The following PRKN variants were observed in gnomAD, a reference collection of about 807,000 sequenced individuals.
PRKN encodes the protein E3 ubiquitin-protein ligase parkin.
In PRKN, 56 loss-of-function variants were observed where a neutral mutation model predicts 59.5. The ratio of observed to expected loss-of-function variants is 0.94; its 90% confidence interval spans 0.76 to 1.18. The LOEUF (loss-of-function observed/expected upper bound fraction) is 1.18, where lower values mean the gene tolerates loss of function less well. PRKN is among the 50% of genes most tolerant of loss of function. PRKN has a pLI of 0.00. For synonymous variants in PRKN, 250 were observed against 222.1 expected (o/e 1.13, Z -1.12); for missense variants, 657 against 596.4 (o/e 1.10, Z -1.06).
At position 161,968,565 on chromosome 6, in the gene PRKN, C is replaced by T. The variant is rs192787910; in HGVS notation, c.734+4737G>A. 2.4e-4 allele frequency among the ~76,000 whole-genome samples: 37 copies of T among 152,106 alleles called. 2 individuals carry two copies. In the East Asian group the frequency reaches 4.8e-3, roughly 20 times the overall value. ...TTTTTATTTCTCAGTATAAGGAGTACGCAGAAACTATATTTACAGATAAAT... is the reference window on the plus strand; with the variant it reads ...TTTTTATTTCTCAGTATAAGGAGTATGCAGAAACTATATTTACAGATAAAT... On this transcript the variant is annotated intron_variant, in intron 6 of 11. Transcript: ENST00000366898.
chr6:162,498,262 T>C (rs1793163290), intron 1 of PRKN, among the ~76,000 whole-genome samples: 1 of 151,994 alleles, frequency 6.6e-6, no homozygotes, highest in Non-Finnish European at 1.5e-5. Context: ...TACCCAACTC[T>C]ATAAATTGTA....
chr6:162,144,232 C>T (rs1174472442), intron 4 of PRKN, among the ~76,000 whole-genome samples: 1 of 152,080 alleles, frequency 6.6e-6, no homozygotes, highest in African/African-American at 2.4e-5. Flanking sequence ...TTTAGAAAAG[C>T]ACAAATCTCC....
At chr6:162,255,949 C>G (rs1562618408) in intron 3 of PRKN, among the ~76,000 whole-genome samples, 1 of 152,126 alleles carries the variant, frequency 6.6e-6, no homozygotes, top group Non-Finnish European at 1.5e-5. Context: ...CCCACTGATG[C>G]ACTGGGACTC....
intron 4 of PRKN, among the ~76,000 whole-genome samples, chr6:162,057,958 A>C (rs1777932833): frequency 6.6e-6 from 1 of 152,220 alleles, no homozygotes; most frequent in Non-Finnish European, 1.5e-5. Flanking sequence ...ATATATATGT[A>C]ATGTACAAAT....
At chr6:162,643,123 C>T (rs1339116949) in intron 1 of PRKN, among the ~76,000 whole-genome samples, 6 of 152,038 alleles carry the variant, frequency 3.9e-5, no homozygotes, top group Non-Finnish European at 5.9e-5. Context: ...AGCAGCCGGG[C>T]GCGGTGGCTG....
intron 1 of PRKN, 86 bp downstream of exon 1, chr6:162,727,576 G>T: frequency 1.4e-6 from 2 of 1,382,540 alleles, no homozygotes; most frequent in Non-Finnish European, 2.0e-6. Context: ...TGGCACCGGG[G>T]GTCCTGGTCG....
At chr6:162,257,790 G>A (rs1335383966) in intron 3 of PRKN, among the ~76,000 whole-genome samples, 2 of 152,108 alleles carry the variant, frequency 1.3e-5, no homozygotes, top group Non-Finnish European at 2.9e-5. Flanking sequence ...AACCTTCCGG[G>A]TTGTGTTGCC....
At chr6:162,369,680 C>T (rs1411155533) in intron 2 of PRKN, among the ~76,000 whole-genome samples, 2 of 152,120 alleles carry the variant, frequency 1.3e-5, no homozygotes, top group African/African-American at 4.8e-5. Flanking sequence ...TTCATCCTCC[C>T]CAGGGCAGAG....
Position 161,386,993 on chromosome 6 carries a change from T to C in PRKN, c.1084-116A>G. ...CCTCTGGCTTGTGCAACAGTTTCTG[T>C]ATAAAAATACTTTTTTTGCAAAGAG... On this transcript the variant is annotated intron_variant, in intron 9 of 11. Transcript: ENST00000366898. This position sits in a 1 kb window ranked among gnomAD's most constrained non-coding sequence, Gnocchi z 4.3. 1 of 836,980 alleles carries C rather than the reference T, an allele frequency of 1.2e-6. No homozygotes were observed. Among genetic ancestry groups the C allele is most frequent in the South Asian group, 1.4e-5 (1 of 72,060 alleles). 51.8% of individuals were successfully genotyped at this position (836,980 alleles called of 1,614,324 possible).
Position 162,592,419 on chromosome 6 carries a change from C to T in PRKN, c.7+135243G>A, listed in dbSNP as rs1275849417. On this transcript the variant is annotated intron_variant, in intron 1 of 11. Transcript: ENST00000366898. ...GTTTCAGGGATGCATTTTCTGGCAA[C>T]CTCTTCAGATTCAGCTTTATGATGA... Among the ~76,000 whole-genome samples, 3 of 152,152 alleles carry T rather than the reference C, an allele frequency of 2.0e-5. No homozygotes were observed. In the South Asian group the frequency reaches 6.2e-4, roughly 32 times the overall value.
intron 6 of PRKN, among the ~76,000 whole-genome samples, chr6:161,924,032 C>A (rs773477288): frequency 6.6e-6 from 1 of 152,146 alleles, no homozygotes; most frequent in African/African-American, 2.4e-5. Flanking sequence ...CAGGCTCTGG[C>A]GCTTCGTAGT....
At chr6:162,393,412 G>A (rs1787314503) in intron 2 of PRKN, among the ~76,000 whole-genome samples, 1 of 151,854 alleles carries the variant, frequency 6.6e-6, no homozygotes, top group Non-Finnish European at 1.5e-5. Context: ...CACCTGTCTT[G>A]GCCTCCCAAA....
At position 161,350,804 on chromosome 6, in the gene PRKN, A is replaced by G. The variant is rs1217368156; in HGVS notation, c.1286-593T>C. Among the ~76,000 whole-genome samples the G allele has an allele frequency of 1.3e-4, 4 of 31,880 alleles. No homozygotes were observed. In the Admixed American group the frequency reaches 2.7e-3, roughly 22 times the overall value. 20.9% of individuals were successfully genotyped at this position (31,880 alleles called of 152,430 possible). ...TTTTATATATTTATATTTAAAATAT[A>G]TATATTTTTATATATTTATATTTAA... On this transcript the variant is annotated intron_variant, in intron 11 of 11. Coordinates refer to ENST00000366898, the MANE Select transcript of PRKN (RefSeq NM_004562.3).
At chr6:161,712,858 G>T (rs1488140957) in intron 7 of PRKN, among the ~76,000 whole-genome samples, 1 of 152,166 alleles carries the variant, frequency 6.6e-6, no homozygotes, top group African/African-American at 2.4e-5. Flanking sequence ...ACACTTCTAT[G>T]ACCAGATGGT....
At chr6:162,490,284 T>G (rs1201832438) in intron 1 of PRKN, among the ~76,000 whole-genome samples, 1 of 152,212 alleles carries the variant, frequency 6.6e-6, no homozygotes, top group Non-Finnish European at 1.5e-5. Flanking sequence ...TTATGAAATA[T>G]TTAAGCAAAC....
chr6:162,358,678 T>C (rs1374471635), intron 2 of PRKN, among the ~76,000 whole-genome samples: 1 of 152,118 alleles, frequency 6.6e-6, no homozygotes, highest in Non-Finnish European at 1.5e-5. Context: ...GTTCTCTAAA[T>C]CTAGAGTGCA....
chr6:161,416,833 G>A (rs1020029609), intron 9 of PRKN, among the ~76,000 whole-genome samples: 2 of 152,168 alleles, frequency 1.3e-5, no homozygotes, highest in African/African-American at 4.8e-5. Flanking sequence ...TCCTGCCCAG[G>A]GGCCTTGGCG....
chr6:162,725,335 C>T (rs183782520), intron 1 of PRKN, among the ~76,000 whole-genome samples: 20 of 152,316 alleles, frequency 1.3e-4, no homozygotes, highest in Non-Finnish European at 2.4e-4. Flanking sequence ...TTTCCTGGCT[C>T]TGAATTTTTG....
At chr6:161,455,645 C>G (rs1789934617) in intron 9 of PRKN, among the ~76,000 whole-genome samples, 1 of 152,018 alleles carries the variant, frequency 6.6e-6, no homozygotes, top group African/African-American at 2.4e-5. Context: ...GCGGGCAGAT[C>G]ACAAGGTCAG....
Sources: allele counts gnomAD v4.1 joint callset (sites outside exome capture counted in the v4.1 genomes callset), GRCh38; gene constraint gnomAD v4.1.1; non-coding constraint Gnocchi (gnomAD v3.1); transcripts MANE v1.5; gene names NCBI Gene and HGNC (gene_info 2026-07-23, HGNC 2026-07-21).